Variants in GRM5 observed in about 807,000 individuals in gnomAD.
The protein encoded by GRM5 is metabotropic glutamate receptor 5.
In GRM5, 19 loss-of-function variants were observed where a neutral mutation model predicts 83.1. The ratio of observed to expected loss-of-function variants is 0.23; its 90% CI spans 0.16 to 0.34. The LOEUF (loss-of-function observed/expected upper bound fraction) is 0.34, where lower values mean the gene tolerates loss of function less well. Among genes scored for constraint, GRM5 ranks in the 10% least tolerant of loss-of-function variants. The pLI is 1.00. For synonymous variants in GRM5, 675 were observed against 633.6 expected, an observed-to-expected ratio of 1.07 and a Z score of -0.98; for missense variants, 1,160 against 1,588.3, an observed-to-expected ratio of 0.73 and a Z score of 4.58.
chr11:88,605,196 T>G (rs762153457), intron 4 of GRM5, among the ~76,000 whole-genome samples: 27 of 152,248 alleles, frequency 1.8e-4, no homozygotes, highest in Admixed American at 4.6e-4. Context: ...TCACCAACAG[T>G]AGCAAGATCC....
intron 4 of GRM5, among the ~76,000 whole-genome samples, chr11:88,611,171 G>A (rs1938304589): frequency 6.6e-6 from 1 of 152,054 alleles, no homozygotes. Flanking sequence ...TGAGCCTGTT[G>A]TTTTCTTTTA....
intron 3 of GRM5, among the ~76,000 whole-genome samples, chr11:88,834,895 G>T (rs1231722741): frequency 1.3e-5 from 2 of 152,060 alleles, no homozygotes; most frequent in Admixed American, 1.3e-4. Flanking sequence ...CTACTTTTTC[G>T]ATTTTAGGGT....
chr11:88,527,264 T>G (rs1941902269), intron 8 of GRM5, among the ~76,000 whole-genome samples: 1 of 152,194 alleles, frequency 6.6e-6, no homozygotes. Context: ...TATTTTTGAA[T>G]ATCTTCTGTT....
chr11:88,811,753 C>A (rs1203258363), intron 3 of GRM5, among the ~76,000 whole-genome samples: 1 of 151,874 alleles, frequency 6.6e-6, no homozygotes, highest in Non-Finnish European at 1.5e-5. Flanking sequence ...TAAAGCATAC[C>A]ACAGGCACAC....
intron 2 of GRM5, among the ~76,000 whole-genome samples, chr11:88,988,085 C>T (rs1377257300): frequency 6.7e-6 from 1 of 148,694 alleles, no homozygotes; most frequent in Non-Finnish European, 1.5e-5. Context: ...ACATTCAAAC[C>T]AAAGGCAAAG....
intron 3 of GRM5, among the ~76,000 whole-genome samples, chr11:88,747,945 C>T (rs189649626): frequency 5.9e-5 from 9 of 152,172 alleles, no homozygotes; most frequent in Admixed American, 5.9e-4. Context: ...CTGAAATATC[C>T]AGGTTCTTAC....
intron 1 of GRM5, among the ~76,000 whole-genome samples, chr11:89,055,336 T>C: frequency 6.6e-6 from 1 of 152,230 alleles, no homozygotes; most frequent in East Asian, 1.9e-4. Context: ...TTAGTGAGTA[T>C]TGAATAAGCT....
At chr11:88,875,082 GTT>G (rs112725534) in intron 2 of GRM5, among the ~76,000 whole-genome samples, 3 of 148,008 alleles carry the variant, frequency 2.0e-5, no homozygotes, top group African/African-American at 7.4e-5. Context: ...TGAATTGACT[GTT>G]TTTTTTTTTT....
At chr11:88,771,093 G>T (rs1942727821) in intron 3 of GRM5, among the ~76,000 whole-genome samples, 1 of 152,070 alleles carries the variant, frequency 6.6e-6, no homozygotes, top group Non-Finnish European at 1.5e-5. Flanking sequence ...AGCATAGACA[G>T]ACAAGGAAAT....
intron 3 of GRM5, among the ~76,000 whole-genome samples, chr11:88,771,651 C>T (rs1391347047): frequency 1.3e-5 from 2 of 152,132 alleles, no homozygotes; most frequent in Admixed American, 6.6e-5. Context: ...CGTTAATCTC[C>T]TCTGGCAACA....
At chr11:88,805,244 T>C (rs1943478441) in intron 3 of GRM5, among the ~76,000 whole-genome samples, 1 of 152,160 alleles carries the variant, frequency 6.6e-6, no homozygotes, top group Admixed American at 6.5e-5. Flanking sequence ...CAGGCTGGAG[T>C]GCAGTGGCGT....
At chr11:88,938,226 TATA>T (rs1424001224) in intron 2 of GRM5, among the ~76,000 whole-genome samples, 1 of 151,762 alleles carries the variant, frequency 6.6e-6, no homozygotes, top group Non-Finnish European at 1.5e-5. Flanking sequence ...ACCAAATATT[TATA>T]ATGAGAAGTG....
rs1340207131 is a variant in GRM5 at position 88,871,374 on chromosome 11, T to C, written c.662-21219A>G. 4.0e-5 allele frequency among the ~76,000 whole-genome samples: 6 copies of C among 151,604 alleles called. No homozygotes were observed. In the Admixed American group the frequency reaches 4.0e-4, roughly 10 times the overall value. ...TACTGCAGGAAAGAAAAGAGGTCAC[T>C]GGAAATAGAGGAGACCTACATGCAT... On this transcript the variant is annotated intron_variant, in intron 2 of 9. Coordinates refer to ENST00000305447, the MANE Select transcript of GRM5 (RefSeq NM_001143831.3).
intron 6 of GRM5, among the ~76,000 whole-genome samples, chr11:88,595,388 C>T (rs1357038447): frequency 3.9e-5 from 6 of 152,110 alleles, no homozygotes; most frequent in Admixed American, 2.6e-4. Context: ...CAAAGCTCTT[C>T]CTATCCCTCT....
chr11:89,031,684 G>T (rs1165943872), intron 2 of GRM5, among the ~76,000 whole-genome samples: 1 of 151,552 alleles, frequency 6.6e-6, no homozygotes, highest in Non-Finnish European at 1.5e-5. Flanking sequence ...AATGTTAAAA[G>T]GTTTTATTTC....
chr11:88,880,682 T>C (rs1944936594), intron 2 of GRM5, among the ~76,000 whole-genome samples: 1 of 152,148 alleles, frequency 6.6e-6, no homozygotes, highest in African/African-American at 2.4e-5. Context: ...TGACAAGACA[T>C]GTGGCTTCAA....
At chr11:88,847,003 C>T (rs1262099709) in intron 3 of GRM5, among the ~76,000 whole-genome samples, 1 of 152,142 alleles carries the variant, frequency 6.6e-6, no homozygotes, top group African/African-American at 2.4e-5. Context: ...TAGAAAAGTA[C>T]ACTGGATTAT....
chr11:88,584,699 C>T (rs1372009869), intron 7 of GRM5, among the ~76,000 whole-genome samples: 2 of 152,180 alleles, frequency 1.3e-5, no homozygotes, highest in Non-Finnish European at 2.9e-5. Flanking sequence ...CCAATGTAGC[C>T]TCCCAAAGTG....
At chr11:88,572,147 C>A (rs1943017114) in intron 7 of GRM5, among the ~76,000 whole-genome samples, 1 of 152,144 alleles carries the variant, frequency 6.6e-6, no homozygotes, top group Non-Finnish European at 1.5e-5. Flanking sequence ...ACCTAGTGAG[C>A]TTTGAAAAGC....
Sources: gnomAD v4.1 joint callset for allele counts (sites outside exome capture counted in the v4.1 genomes callset) on GRCh38, gnomAD v4.1.1 for gene constraint, MANE v1.5 for transcripts, NCBI Gene and HGNC (gene_info 2026-07-23, HGNC 2026-07-21) for gene names.